ZC3H18: variants seen among roughly 807,000 people sequenced by gnomAD.
ZC3H18 encodes zinc finger CCCH-type containing 18.
In ZC3H18, 8 loss-of-function variants were observed where a neutral mutation model predicts 106.1. The ratio of observed to expected loss-of-function variants is 0.08; its 90% CI spans 0.04 to 0.14. The LOEUF (loss-of-function observed/expected upper bound fraction) is 0.14, where lower values mean the gene tolerates loss of function less well. Ranked by LOEUF, ZC3H18 falls within the 10% of genes least tolerant of loss-of-function variation. The pLI is 1.00. For missense variants in ZC3H18, 1,318 were observed against 1,278.4 expected, an observed-to-expected ratio of 1.03 and a Z score of -0.47; for synonymous variants, 635 against 522.1, an observed-to-expected ratio of 1.22 and a Z score of -2.95.
intron 3 of ZC3H18, among the ~76,000 whole-genome samples, chr16:88,587,161 C>T (rs993966802): frequency 6.6e-6 from 1 of 152,214 alleles, no homozygotes; most frequent in Non-Finnish European, 1.5e-5. Flanking sequence ...CTGAAGGCAG[C>T]AGGGCTCTCT....
At chr16:88,606,081 G>C (rs1487477178) in intron 6 of ZC3H18, among the ~76,000 whole-genome samples, 1 of 152,246 alleles carries the variant, frequency 6.6e-6, no homozygotes, top group Non-Finnish European at 1.5e-5. Flanking sequence ...CTGCGAGCCA[G>C]CTTTGCCCAA....
chr16:88,598,356 C>T, intron 4 of ZC3H18, 30 bp downstream of exon 4: 2 of 1,578,564 alleles, frequency 1.3e-6, no homozygotes, highest in Non-Finnish European at 1.7e-6. Context: ...TCATTGTTAG[C>T]ACATCAGCCA....
chr16:88,600,012 CA>C, intron 6 of ZC3H18, 64 bp downstream of exon 6: 1 of 1,578,472 alleles, frequency 6.3e-7, no homozygotes, highest in Non-Finnish European at 8.6e-7. Context: ...CCGGAGAGAG[CA>C]GCCATGTGCA....
chr16:88,609,491 G>A (rs558910083), intron 7 of ZC3H18, among the ~76,000 whole-genome samples: 8 of 151,942 alleles, frequency 5.3e-5, no homozygotes, highest in East Asian at 1.9e-4. Context: ...TTGTAGAGAC[G>A]GGGTTTTACC....
rs764534973 is a variant in ZC3H18, at chr16:88,577,193, T to G, written c.70T>G (p.Ser24Ala). Reference protein sequence around the residue: ...PEDEEQPQGLSDDDILRDSGS... With the variant: ...PEDEEQPQGLADDDILRDSGS... ...GGATGAAGAGCAGCCACAGGGACTC[T>G]CGGACGATGACATTCTGAGGGACAG... The change falls in exon 2 of 18, where the codon TCG (serine) becomes GCG (alanine). Residue 24 changes from serine to alanine, a missense_variant. By Grantham distance (99) the Ser-to-Ala change is moderately conservative (BLOSUM62 1). This residue lies in a region of ZC3H18 where 346 missense variants were observed against 269.0 expected (regional missense o/e 1.29). Transcript: ENST00000301011. 1 of 1,610,792 alleles carries G rather than the reference T, an allele frequency of 6.2e-7. No homozygotes were observed. Among genetic ancestry groups the G allele is most frequent in the Non-Finnish European group, 8.5e-7 (1 of 1,178,130 alleles).
intron 3 of ZC3H18, among the ~76,000 whole-genome samples, chr16:88,592,184 G>A (rs1437817532): frequency 6.6e-6 from 1 of 152,166 alleles, no homozygotes; most frequent in Non-Finnish European, 1.5e-5. Flanking sequence ...CCATTACTCT[G>A]TTCTCTGTTT....
intron 3 of ZC3H18, among the ~76,000 whole-genome samples, chr16:88,595,563 T>C (rs987168776): frequency 6.6e-6 from 1 of 151,584 alleles, no homozygotes. Context: ...TCCCAGCTCT[T>C]TGGGAGGCCG....
intron 4 of ZC3H18, 100 bp downstream of exon 4, chr16:88,598,426 G>T: frequency 2.0e-6 from 3 of 1,518,256 alleles, no homozygotes; most frequent in Non-Finnish European, 2.7e-6. Flanking sequence ...CACAGGCTCA[G>T]TGCCCCCTTT....
At chr16:88,603,089 C>G in intron 6 of ZC3H18, among the ~76,000 whole-genome samples, 1 of 151,744 alleles carries the variant, frequency 6.6e-6, no homozygotes, top group East Asian at 2.0e-4. Context: ...CTCAGCCTCC[C>G]GAGTAGCTGG....
At position 88,624,034 on chromosome 16, in the gene ZC3H18, G is replaced by C. The variant is rs772324113; in HGVS notation, c.1870G>C (p.Glu624Gln). The C allele has an allele frequency of 1.2e-6, 2 of 1,614,052 alleles. No individual in the cohort carries two copies. The part of the protein sequence containing the change: ...PHRPSIRTKG[E>Q]PAPPPGKAGE... ...TAGACCTTCCATCAGAACCAAGGGAGAGCCGGCCCCGCCGCCCGGGAAAGC... is the reference window on the plus strand; with the variant it reads ...TAGACCTTCCATCAGAACCAAGGGACAGCCGGCCCCGCCGCCCGGGAAAGC... Residue 624 changes from glutamate (E) to glutamine (Q), a missense_variant, in exon 11 of 18, where the codon GAG becomes CAG. Around this residue, in one of 6 missense-constraint regions of ZC3H18, gnomAD observed 848 missense variants for 821.7 expected, o/e 1.03. Transcript: ENST00000301011.
intron 1 of ZC3H18, among the ~76,000 whole-genome samples, chr16:88,574,160 C>T (rs1438125031): frequency 2.6e-5 from 4 of 152,168 alleles, no homozygotes; most frequent in African/African-American, 9.6e-5. Context: ...CAGGCGTGAG[C>T]CACCACCCTT....
At chr16:88,592,185 T>C (rs1915796280) in intron 3 of ZC3H18, among the ~76,000 whole-genome samples, 1 of 152,196 alleles carries the variant, frequency 6.6e-6, no homozygotes, top group Non-Finnish European at 1.5e-5. Flanking sequence ...CATTACTCTG[T>C]TCTCTGTTTT....
rs774474754 is a variant in ZC3H18 at position 88,625,310 on chromosome 16, G to A, written c.2108+43G>A. On this transcript the variant is annotated intron_variant, in intron 13 of 17. Transcript: ENST00000301011. ...GTGCCTCTGTTTCTCCCTCCCCGTC[G>A]GGGCCAGGAAGTCCCAGAAGCAGCC... 18 of 1,556,454 alleles carry A rather than the reference G, an allele frequency of 1.2e-5. No individual in the cohort carries two copies. In the Admixed American group the frequency reaches 1.2e-4, roughly 10 times the overall value.
intron 9 of ZC3H18, chr16:88,622,895 G>A (rs1906052824): frequency 2.2e-5 from 8 of 367,174 alleles, no homozygotes; most frequent in South Asian, 1.9e-4. Context: ...AGTGGATGCA[G>A]ATGAACAGAT....
chr16:88,593,445 A>C (rs1000383251), intron 3 of ZC3H18, among the ~76,000 whole-genome samples: 1 of 152,266 alleles, frequency 6.6e-6, no homozygotes, highest in Non-Finnish European at 1.5e-5. Context: ...TGCTCAGCAC[A>C]GAACATCATT....
chr16:88,594,066 G>A, intron 3 of ZC3H18, among the ~76,000 whole-genome samples: 1 of 152,110 alleles, frequency 6.6e-6, no homozygotes, highest in African/African-American at 2.4e-5. Flanking sequence ...GCTTTTAGAT[G>A]CCCCTCCCTC....
intron 3 of ZC3H18, chr16:88,587,602 G>A: frequency 1.3e-6 from 2 of 1,535,882 alleles, no homozygotes; most frequent in Non-Finnish European, 1.7e-6. Flanking sequence ...CCATTCAGAG[G>A]CCAGGTTAAA....
intron 13 of ZC3H18, chr16:88,626,924 A>T (rs1160543078): frequency 1.3e-5 from 2 of 152,158 alleles, no homozygotes; most frequent in Non-Finnish European, 2.9e-5. Flanking sequence ...AGACTGCGGA[A>T]TTGCTCCTTG....
At chr16:88,604,380 G>C (rs1017713625) in intron 6 of ZC3H18, among the ~76,000 whole-genome samples, 1 of 145,682 alleles carries the variant, frequency 6.9e-6, no homozygotes, top group Non-Finnish European at 1.5e-5. Context: ...TCTCACATAT[G>C]TAAGACATTA....
Sources: gnomAD v4.1 joint callset for allele counts (sites outside exome capture counted in the v4.1 genomes callset) on GRCh38, gnomAD v4.1.1 for gene constraint, gnomAD v4.1.1 regional missense constraint, MANE v1.5 for transcripts, NCBI Gene and HGNC (gene_info 2026-07-23, HGNC 2026-07-21) for gene names.